CHD9: variants seen among roughly 807,000 people sequenced by gnomAD.
CHD9 encodes ATP-dependent chromatin remodeler CHD9.
CHD9 carries 77 observed loss-of-function variants against 316.1 expected under a neutral mutation model. The ratio of observed to expected loss-of-function variants is 0.24; its 90% CI spans 0.20 to 0.29. The LOEUF is 0.29. CHD9 is among the 10% of genes least tolerant of loss of function. The pLI, the probability that CHD9 is intolerant of heterozygous loss-of-function variation, is 1.00. For missense variants in CHD9, 2,763 were observed against 3,438.1 expected, an observed-to-expected ratio of 0.80 and a Z score of 4.91; for synonymous variants, 1,129 against 1,158.3, an observed-to-expected ratio of 0.97 and a Z score of 0.51.
chr16:53,148,942 G>A (rs933842658), intron 1 of CHD9, among the ~76,000 whole-genome samples: 2 of 152,124 alleles, frequency 1.3e-5, no homozygotes, highest in African/African-American at 4.8e-5. Context: ...TAAGCACTGG[G>A]TCTGATAAGT....
intron 17 of CHD9, among the ~76,000 whole-genome samples, chr16:53,253,014 G>A (rs1485371432): frequency 2.0e-5 from 3 of 152,120 alleles, no homozygotes; most frequent in African/African-American, 7.2e-5. Context: ...ACAAAAAGTA[G>A]AACTACTGTT....
chr16:53,088,125 G>A (rs1433964153), intron 1 of CHD9, among the ~76,000 whole-genome samples: 1 of 151,980 alleles, frequency 6.6e-6, no homozygotes, highest in African/African-American at 2.4e-5. Context: ...TTAGTCTTGG[G>A]TTAATGTAAC....
rs1184071275 is a variant in CHD9, at chr16:53,227,381, T to C, written c.2044-15T>C. On this transcript the variant is annotated splice_polypyrimidine_tract_variant and intron_variant, in intron 5 of 38. Coordinates refer to ENST00000447540, the MANE Select transcript of CHD9 (RefSeq NM_001308319.2). ...AGAATGTGTTCTGTCATTATTTCTTTCCTCCCTCCCATAGGAGAATCCGAG... is the reference window on the plus strand; with the variant it reads ...AGAATGTGTTCTGTCATTATTTCTTCCCTCCCTCCCATAGGAGAATCCGAG... 2 of 1,528,082 alleles carry C rather than the reference T, an allele frequency of 1.3e-6. No homozygotes were observed. The highest frequency in any genetic ancestry group is 4.0e-5 in the Admixed American group (2 of 49,768). 94.7% of individuals were successfully genotyped at this position (1,528,082 alleles called of 1,614,324 possible).
intron 1 of CHD9, among the ~76,000 whole-genome samples, chr16:53,131,660 C>G (rs1035610266): frequency 6.6e-6 from 1 of 152,012 alleles, no homozygotes; most frequent in Non-Finnish European, 1.5e-5. Context: ...TCGGGGCCTC[C>G]CCCGGGTTGG....
intron 36 of CHD9, among the ~76,000 whole-genome samples, chr16:53,317,617 A>G (rs2056980924): frequency 6.6e-6 from 1 of 152,086 alleles, no homozygotes; most frequent in South Asian, 2.1e-4. Context: ...CTCAGCCCCA[A>G]CAAATACCTG....
At chr16:53,211,762 A>T (rs764549519) in intron 3 of CHD9, among the ~76,000 whole-genome samples, 3 of 152,288 alleles carry the variant, frequency 2.0e-5, no homozygotes, top group Non-Finnish European at 2.9e-5. Context: ...GACAAAAATT[A>T]TTGTCATGTT....
At chr16:53,232,763 A>G (rs2048287954) in intron 10 of CHD9, among the ~76,000 whole-genome samples, 2 of 151,816 alleles carry the variant, frequency 1.3e-5, no homozygotes, top group East Asian at 3.9e-4. Flanking sequence ...AATTATTTTA[A>G]TGTTCATTGG....
At chr16:53,102,610 G>A (rs1158713691) in intron 1 of CHD9, among the ~76,000 whole-genome samples, 1 of 152,070 alleles carries the variant, frequency 6.6e-6, no homozygotes, top group Non-Finnish European at 1.5e-5. Context: ...AGCACTTTCA[G>A]AGGCCAGAGG....
intron 31 of CHD9, among the ~76,000 whole-genome samples, chr16:53,305,699 C>T (rs1014025760): frequency 6.6e-6 from 1 of 152,134 alleles, no homozygotes; most frequent in South Asian, 2.1e-4. Context: ...TGCAGGAACC[C>T]TTGCAGCAGT....
chr16:53,198,310 A>G (rs893497645), intron 2 of CHD9, among the ~76,000 whole-genome samples: 2 of 146,900 alleles, frequency 1.4e-5, no homozygotes, highest in African/African-American at 5.0e-5. Context: ...CATAATAAGC[A>G]TTCAATTTTT....
intron 1 of CHD9, among the ~76,000 whole-genome samples, chr16:53,150,233 G>T (rs1355646363): frequency 6.9e-6 from 1 of 143,932 alleles, no homozygotes; most frequent in Non-Finnish European, 1.5e-5. Flanking sequence ...TTTTTTGGTA[G>T]CATTCCTTTT....
At chr16:53,239,579 C>G (rs772170140) in intron 12 of CHD9, among the ~76,000 whole-genome samples, 1 of 152,128 alleles carries the variant, frequency 6.6e-6, no homozygotes, top group East Asian at 1.9e-4. Flanking sequence ...GCACCCTACA[C>G]TAAAAGCACT....
intron 1 of CHD9, among the ~76,000 whole-genome samples, chr16:53,137,819 CAG>C (rs1425057576): frequency 6.6e-6 from 1 of 152,282 alleles, no homozygotes; most frequent in East Asian, 1.9e-4. Flanking sequence ...GCAAGACACA[CAG>C]TGTCTTTTCT....
chr16:53,178,331 TTC>T (rs1342808738), intron 2 of CHD9, among the ~76,000 whole-genome samples: 2 of 152,136 alleles, frequency 1.3e-5, no homozygotes, highest in Admixed American at 6.5e-5. Flanking sequence ...AATCATGATT[TTC>T]TCTCTATGGA....
At chr16:53,226,729 C>G (rs1012721276) in intron 5 of CHD9, among the ~76,000 whole-genome samples, 25 of 152,128 alleles carry the variant, frequency 1.6e-4, no homozygotes, top group African/African-American at 5.8e-4. Context: ...TTTCTACCTC[C>G]TAAATATATG....
Position 53,306,264 on chromosome 16 carries a change from A to C in CHD9, c.6647A>C (p.Asp2216Ala). 1 of 1,584,684 alleles carries C rather than the reference A, an allele frequency of 6.3e-7. No individual in the cohort carries two copies. The highest frequency in any genetic ancestry group is 8.6e-7 in the Non-Finnish European group (1 of 1,169,198). ...RESTTHMKAY[D>A]EESVASLSTT... ...AGTACTACTCACATGAAAGCCTATG[A>C]TGAAGAAAGCGTCGCGTCACTGAGC... is the stretch of plus-strand genomic sequence containing the variant. The change falls in exon 32 of 39, where the codon GAT (aspartate) becomes GCT (alanine). Residue 2216 changes from aspartate (D) to alanine (A), a missense_variant. By Grantham distance (126) the Asp-to-Ala change is moderately radical (BLOSUM62 -2). Coordinates refer to ENST00000447540, the MANE Select transcript of CHD9 (RefSeq NM_001308319.2).
chr16:53,226,474 G>A lies in CHD9; in HGVS notation c.2005G>A (p.Ala669Thr). 1 of 1,608,382 alleles carries A rather than the reference G, an allele frequency of 6.2e-7. No homozygotes were observed. The highest frequency in any genetic ancestry group is 8.5e-7 in the Non-Finnish European group (1 of 1,178,476). Residue 669 changes from alanine to threonine, a missense_variant, in exon 5 of 39, where the codon GCT becomes ACT. Ala to Thr is a moderately conservative substitution (Grantham distance 58). Transcript: ENST00000447540. ...KGSMKIKKNS[A>T]PLPGEQPLQL... The stretch of plus-strand genomic sequence containing the variant: ...TTCTATGAAAATAAAAAAGAATTCA[G>A]CTCCTTTACCTGGTGAACAGCCTTT...
chr16:53,090,519 G>T (rs745957586), intron 1 of CHD9, among the ~76,000 whole-genome samples: 8 of 152,198 alleles, frequency 5.3e-5, no homozygotes, highest in Non-Finnish European at 8.8e-5. Flanking sequence ...AATGGGGATA[G>T]TGACAGTGAG....
In CHD9 at chr16:53,231,726, T is replaced by C. The variant is rs933321863; in HGVS notation, c.2453T>C (p.Leu818Pro). Residue 818 changes from leucine (L) to proline (P), a missense_variant, in exon 10 of 39, where the codon CTT (leucine) becomes CCT (proline). Physicochemically the swap from Leu to Pro is moderately conservative, Grantham distance 98 (BLOSUM62 -3). This residue lies in a region of CHD9 where 186 missense variants were observed against 245.0 expected (regional missense o/e 0.76). Transcript: ENST00000447540. ...STWELKEDVD[L>P]AKIEEFEQLQ... is the part of the protein sequence containing the mutation. ...TGGGAACTAAAAGAAGATGTAGATCTTGCAAAAATAGAAGAGTTTGAACAA... is the reference window on the plus strand; with the variant it reads ...TGGGAACTAAAAGAAGATGTAGATCCTGCAAAAATAGAAGAGTTTGAACAA... The C allele has an allele frequency of 3.1e-6, 5 of 1,612,368 alleles. No individual in the cohort carries two copies. In the South Asian group the frequency reaches 5.5e-5, roughly 18 times the overall value.
Sources: gnomAD v4.1 joint callset for allele counts (sites outside exome capture counted in the v4.1 genomes callset) on GRCh38, gnomAD v4.1.1 for gene constraint, gnomAD v4.1.1 regional missense constraint, MANE v1.5 for transcripts, NCBI Gene and HGNC (gene_info 2026-07-23, HGNC 2026-07-21) for gene names.